Variants in SEC23A observed in about 807,000 individuals in gnomAD.
The protein encoded by SEC23A is SEC23 homolog A, COPII component, also known as protein transport protein Sec23A.
SEC23A carries 56 observed loss-of-function variants against 103.7 expected under a neutral mutation model. The ratio of observed to expected loss-of-function variants is 0.54; its 90% CI spans 0.44 to 0.67. SEC23A has a LOEUF of 0.67. SEC23A is among the 30% of genes least tolerant of loss of function. The pLI, the probability that SEC23A is intolerant of heterozygous loss-of-function variation, is 0.00. For missense variants in SEC23A, 784 were observed against 936.4 expected (o/e 0.84, Z 2.12); for synonymous variants, 281 against 293.0 (o/e 0.96, Z 0.42).
chr14:39,035,895 C>T (rs531835228), intron 19 of SEC23A, among the ~76,000 whole-genome samples: 3 of 152,138 alleles, frequency 2.0e-5, no homozygotes, highest in South Asian at 2.1e-4. Flanking sequence ...AATTGTAGGA[C>T]GGTGCTATGG....
In SEC23A at chr14:39,065,997, C is replaced by CAAAAAAAAAA. The variant is rs59260008; in HGVS notation, c.1228-1014_1228-1005dup. Reference sequence around the variant, plus strand: ...GGGCAATAAGAGCGAAACTCCATCTCAAAAAAAAAAAAAAAAAAAAAAAAA... The same window carrying CAAAAAAAAAA: ...GGGCAATAAGAGCGAAACTCCATCTCAAAAAAAAAAAAAAAAAAAAAAAAAAAAAAAAAAA... On this transcript the variant is annotated intron_variant, in intron 10 of 19. Coordinates refer to ENST00000307712, the MANE Select transcript of SEC23A (RefSeq NM_006364.4). Among the ~76,000 whole-genome samples, 82 of 80,486 alleles carry CAAAAAAAAAA rather than the reference C, an allele frequency of 1.0e-3. 6 individuals carry two copies. Among genetic ancestry groups the CAAAAAAAAAA allele is most frequent in the African/African-American group, 1.3e-3 (24 of 19,118 alleles). The allele number at this position is 80,486 out of a possible 152,430, so 52.8% of individuals were successfully genotyped here.
chr14:39,052,311 G>C (rs1261162962), intron 14 of SEC23A, among the ~76,000 whole-genome samples: 3 of 150,776 alleles, frequency 2.0e-5, no homozygotes, highest in Non-Finnish European at 3.0e-5. Flanking sequence ...GAACTTAAAA[G>C]TTGAAAAAAA....
chr14:39,039,008 C>G, intron 19 of SEC23A, 23 bp downstream of exon 19: 12 of 1,576,544 alleles, frequency 7.6e-6, no homozygotes, highest in Non-Finnish European at 1.0e-5. Flanking sequence ...AAATAATTTC[C>G]AAGACCTGCT....
At chr14:39,092,062 C>T (rs985173283) in intron 4 of SEC23A, among the ~76,000 whole-genome samples, 2 of 152,110 alleles carry the variant, frequency 1.3e-5, no homozygotes, top group Non-Finnish European at 2.9e-5. Flanking sequence ...CTGAATGGTC[C>T]AAGTGAACCA....
At chr14:39,065,500 C>T (rs1886627803) in intron 10 of SEC23A, among the ~76,000 whole-genome samples, 2 of 152,082 alleles carry the variant, frequency 1.3e-5, no homozygotes, top group African/African-American at 4.8e-5. Flanking sequence ...TGAATCTTAC[C>T]CAAAATACCT....
At chr14:39,095,330 C>CT (rs1412741097) in intron 2 of SEC23A, among the ~76,000 whole-genome samples, 1 of 151,020 alleles carries the variant, frequency 6.6e-6, no homozygotes, top group East Asian at 1.9e-4. Context: ...GAGTCTCGCT[C>CT]TGTCACCCAG....
chr14:39,074,542 T>A lies in SEC23A; in HGVS notation c.988-12A>T, dbSNP rs751375631. 6.5e-7 allele frequency: 1 copy of A among 1,530,478 alleles called. No individual in the cohort carries two copies. Among genetic ancestry groups the A allele is most frequent in the East Asian group, 2.3e-5 (1 of 44,424 alleles). 94.8% of individuals were successfully genotyped at this position (1,530,478 alleles called of 1,614,324 possible). On this transcript the variant is annotated splice_polypyrimidine_tract_variant and intron_variant, in intron 8 of 19. Coordinates refer to ENST00000307712, the MANE Select transcript of SEC23A (RefSeq NM_006364.4). Reference sequence around the variant, plus strand: ...AATGCTTCAAAATGCTACAAAAGATTTTCTTAATTAAAATAATATACAAAA... The same window carrying A: ...AATGCTTCAAAATGCTACAAAAGATATTCTTAATTAAAATAATATACAAAA...
chr14:39,087,339 G>A (rs151144998), intron 5 of SEC23A, among the ~76,000 whole-genome samples: 451 of 152,238 alleles, frequency 3.0e-3, no homozygotes, highest in African/African-American at 0.01. Context: ...TCATTCATCC[G>A]TTTCAGCAAA....
chr14:39,084,156 G>C (rs1887342113), intron 7 of SEC23A, among the ~76,000 whole-genome samples: 1 of 151,570 alleles, frequency 6.6e-6, no homozygotes, highest in Non-Finnish European at 1.5e-5. Context: ...CGAGTAGCTG[G>C]GATTACAGGC....
chr14:39,095,119 G>T, intron 2 of SEC23A: 1 of 625,852 alleles, frequency 1.6e-6, no homozygotes, highest in Non-Finnish European at 2.8e-6. Context: ...TACCAGAGAT[G>T]GAATAAGAGG....
At chr14:39,058,376 C>T (rs1256419199) in intron 13 of SEC23A, among the ~76,000 whole-genome samples, 2 of 151,922 alleles carry the variant, frequency 1.3e-5, no homozygotes, top group South Asian at 2.1e-4. Context: ...GGCGCAATCT[C>T]GGCTCACTGC....
chr14:39,061,885 A>G lies in SEC23A; in HGVS notation c.1399-14T>C. 1 of 1,582,398 alleles carries G rather than the reference A, an allele frequency of 6.3e-7. No homozygotes were observed. The highest frequency in any genetic ancestry group is 1.7e-5 in the Admixed American group (1 of 59,990). On this transcript the variant is annotated splice_polypyrimidine_tract_variant and intron_variant, in intron 12 of 19. Transcript: ENST00000307712. ...TGGAGCATTATGCTGTATAAATATA[A>G]TGGAGTAAAACCTAAGCAAAATTTA...
intron 7 of SEC23A, among the ~76,000 whole-genome samples, chr14:39,081,760 A>AT (rs571576985): frequency 6.6e-6 from 1 of 152,056 alleles, no homozygotes; most frequent in South Asian, 2.1e-4. Flanking sequence ...TTAATATAAA[A>AT]TTTTTTTTAT....
chr14:39,081,267 A>C (rs1887216983), intron 7 of SEC23A, among the ~76,000 whole-genome samples: 1 of 152,118 alleles, frequency 6.6e-6, no homozygotes, highest in African/African-American at 2.4e-5. Context: ...CATTTTCCAA[A>C]ACCTCCAGGA....
intron 14 of SEC23A, among the ~76,000 whole-genome samples, chr14:39,050,705 C>T (rs572026268): frequency 2.6e-5 from 4 of 152,154 alleles, no homozygotes; most frequent in Non-Finnish European, 4.4e-5. Flanking sequence ...GTAGTTCCTG[C>T]TCCTTGGGAG....
At chr14:39,053,537 G>A (rs77231860) in intron 14 of SEC23A, among the ~76,000 whole-genome samples, 2 of 150,690 alleles carry the variant, frequency 1.3e-5, no homozygotes, top group Non-Finnish European at 3.0e-5. Flanking sequence ...TAAAAAAAAG[G>A]TAATATTGTC....
chr14:39,037,139 T>C (rs1388123584), intron 19 of SEC23A, among the ~76,000 whole-genome samples: 1 of 152,150 alleles, frequency 6.6e-6, no homozygotes, highest in Non-Finnish European at 1.5e-5. Context: ...CTTTACTCTC[T>C]CTTCAGACAA....
At position 39,094,436 on chromosome 14, in the gene SEC23A, ATATATATTT is replaced by A. The variant is rs1320603597; in HGVS notation, c.222-1201_222-1193del. 2.3e-3 allele frequency among the ~76,000 whole-genome samples: 49 copies of A among 21,522 alleles called. 4 individuals are homozygous for A. The highest frequency in any genetic ancestry group is 2.8e-3 in the South Asian group (2 of 706). The allele number at this position is 21,522 out of a possible 152,430, so 14.1% of individuals were successfully genotyped here. ...TATATATATATATATATATATATAT[ATATATATTT>A]TTTTTTTTTTTTTTTCCCCTCCTGT... is the stretch of plus-strand genomic sequence containing the variant. On this transcript the variant is annotated intron_variant, in intron 2 of 19. Transcript: ENST00000307712.
intron 2 of SEC23A, among the ~76,000 whole-genome samples, chr14:39,094,424 ATATATATATATATATATATTTTTTTTT>A (rs1887804519): frequency 1.7e-5 from 1 of 58,598 alleles, no homozygotes; most frequent in African/African-American, 1.3e-4. Flanking sequence ...ATATATATAT[ATATATATATATATATATATTTTTTTTT>A]TTTTTTTTTC....
Sources: allele counts gnomAD v4.1 joint callset (sites outside exome capture counted in the v4.1 genomes callset), GRCh38; gene constraint gnomAD v4.1.1; transcripts MANE v1.5; gene names NCBI Gene and HGNC (gene_info 2026-07-23, HGNC 2026-07-21).